The following IFT80 variants were observed in gnomAD, a reference collection of about 807,000 sequenced individuals.
The protein encoded by IFT80 is intraflagellar transport protein 80 homolog.
IFT80 carries 79 observed loss-of-function variants against 107.9 expected under a neutral mutation model. That is an observed-to-expected ratio of 0.73 (90% CI 0.61 to 0.88). The LOEUF (loss-of-function observed/expected upper bound fraction) is 0.88. Among genes scored for constraint, IFT80 ranks in the 40% least tolerant of loss-of-function variants. The pLI is 0.00. For synonymous variants in IFT80, 299 were observed against 300.9 expected (o/e 0.99, Z 0.07); for missense variants, 797 against 914.2 (o/e 0.87, Z 1.65).
chr3:160,297,220 G>A (rs1275652537), intron 12 of IFT80, among the ~76,000 whole-genome samples: 1 of 151,968 alleles, frequency 6.6e-6, no homozygotes, highest in African/African-American at 2.4e-5. Context: ...AGTGATATTG[G>A]TAGCTGCTGT....
At chr3:160,374,144 G>A (rs1235969769) in intron 5 of IFT80, among the ~76,000 whole-genome samples, 9 of 151,996 alleles carry the variant, frequency 5.9e-5, no homozygotes, top group African/African-American at 9.7e-5. Flanking sequence ...GAAGGGTCTC[G>A]GGAAAGAATT....
intron 8 of IFT80, among the ~76,000 whole-genome samples, chr3:160,329,004 G>T (rs1718893946): frequency 6.6e-6 from 1 of 151,974 alleles, no homozygotes; most frequent in African/African-American, 2.4e-5. Context: ...AGGGTGGAGG[G>T]TGGGAGGGAG....
At chr3:160,394,756 G>GA (rs377549918) in intron 1 of IFT80, among the ~76,000 whole-genome samples, 269 of 139,766 alleles carry the variant, frequency 1.9e-3, no homozygotes, top group African/African-American at 3.0e-3. Flanking sequence ...TCTCAAAAAA[G>GA]AAAAAAAAAA....
chr3:160,328,621 G>A (rs1187159960), intron 8 of IFT80, among the ~76,000 whole-genome samples: 1 of 151,962 alleles, frequency 6.6e-6, no homozygotes, highest in Non-Finnish European at 1.5e-5. Flanking sequence ...CTATCATTCG[G>A]CCCAGTGATA....
intron 18 of IFT80, among the ~76,000 whole-genome samples, chr3:160,274,034 T>A (rs556440083): frequency 6.6e-6 from 1 of 152,146 alleles, no homozygotes; most frequent in Non-Finnish European, 1.5e-5. Context: ...CAAGAGAAGG[T>A]CCCTTACTGA....
rs1051629104 is a variant in IFT80, at chr3:160,308,486, T to A, written c.958-705A>T. 2.3e-4 allele frequency among the ~76,000 whole-genome samples: 35 copies of A among 152,210 alleles called. 1 individual carries two copies. Among genetic ancestry groups the A allele is most frequent in the African/African-American group, 7.7e-4 (32 of 41,538 alleles). On this transcript the variant is annotated intron_variant, in intron 9 of 19. Transcript: ENST00000326448. ...AGTTGATGAACAAACTGCAAGAAATTAAGAAAAATGTTGAGCAAGTTAAAT... is the reference window on the plus strand; with the variant it reads ...AGTTGATGAACAAACTGCAAGAAATAAAGAAAAATGTTGAGCAAGTTAAAT...
chr3:160,393,346 A>C (rs1188662070), intron 1 of IFT80, among the ~76,000 whole-genome samples: 1 of 152,248 alleles, frequency 6.6e-6, no homozygotes, highest in African/African-American at 2.4e-5. Context: ...ATAATATGGA[A>C]GGGTTAAAAT....
chr3:160,394,421 T>C (rs1425412438), intron 1 of IFT80: 5 of 152,242 alleles, frequency 3.3e-5, no homozygotes, highest in Non-Finnish European at 4.4e-5. Flanking sequence ...CCATGGATCG[T>C]GGGTTGGACA....
chr3:160,364,138 A>T (rs1326841095), intron 6 of IFT80, among the ~76,000 whole-genome samples: 1 of 152,214 alleles, frequency 6.6e-6, no homozygotes, highest in Non-Finnish European at 1.5e-5. Context: ...AGAATCTACA[A>T]AGAACTTAAA....
intron 5 of IFT80, 117 bp downstream of exon 5, chr3:160,375,695 T>C: frequency 1.4e-6 from 1 of 708,344 alleles, no homozygotes; most frequent in South Asian, 1.7e-5. Flanking sequence ...GATTACTGTT[T>C]TGAACTCAAC....
chr3:160,330,655 A>G (rs982662880), intron 8 of IFT80, among the ~76,000 whole-genome samples: 13 of 152,054 alleles, frequency 8.5e-5, no homozygotes, highest in Non-Finnish European at 1.9e-4. Context: ...GGGTCAAAAA[A>G]TTTGCATTTC....
chr3:160,321,265 T>C (rs1459595152), intron 8 of IFT80, among the ~76,000 whole-genome samples: 1 of 152,026 alleles, frequency 6.6e-6, no homozygotes, highest in African/African-American at 2.4e-5. Context: ...ATGAAATTAA[T>C]TCATTTGTGT....
At chr3:160,352,147 C>G (rs890778563) in intron 8 of IFT80, among the ~76,000 whole-genome samples, 14 of 151,984 alleles carry the variant, frequency 9.2e-5, no homozygotes, top group African/African-American at 3.4e-4. Flanking sequence ...CCCGCCACCA[C>G]GCCCGGCTAA....
intron 9 of IFT80, among the ~76,000 whole-genome samples, chr3:160,315,940 A>G (rs1461960742): frequency 6.6e-6 from 1 of 152,170 alleles, no homozygotes; most frequent in Non-Finnish European, 1.5e-5. Flanking sequence ...ATATGTATCC[A>G]TATATATGAA....
intron 3 of IFT80, among the ~76,000 whole-genome samples, chr3:160,379,883 C>A (rs1269008875): frequency 6.6e-6 from 1 of 152,072 alleles, no homozygotes; most frequent in Admixed American, 6.5e-5. Context: ...TACCACAAGT[C>A]TCTCGGTAAA....
chr3:160,384,924 A>G (rs556937429), intron 1 of IFT80, among the ~76,000 whole-genome samples: 3 of 152,342 alleles, frequency 2.0e-5, no homozygotes, highest in South Asian at 2.1e-4. Flanking sequence ...AAGAATTTCC[A>G]TGTCCTGAGG....
intron 12 of IFT80, among the ~76,000 whole-genome samples, chr3:160,287,713 A>G (rs2108244125): frequency 6.6e-6 from 1 of 152,362 alleles, no homozygotes; most frequent in Admixed American, 6.5e-5. Flanking sequence ...AAACAGTAAG[A>G]AAAAAGAGAA....
rs574361385 is a variant in IFT80 at position 160,355,912 on chromosome 3, T to C, written c.777+101A>G. The C allele has an allele frequency of 2.1e-4, 271 of 1,290,850 alleles. 6 individuals carry two copies. The South Asian group carries it at 3.1e-3, about 15-fold the overall frequency. The allele number at this position is 1,290,850 out of a possible 1,614,324, so 80.0% of individuals were successfully genotyped here. A position where few individuals can be genotyped will look rare whatever the true frequency, so the allele number is the denominator to read the frequency against. On this transcript the variant is annotated intron_variant, in intron 8 of 19. Coordinates refer to ENST00000326448, the MANE Select transcript of IFT80 (RefSeq NM_020800.3). ...GACAAATCAGAAAGATTCAACCAGA[T>C]GCATCCATTGAAAATGTTTTTTAAA...
At chr3:160,293,704 A>G (rs926372711) in intron 12 of IFT80, among the ~76,000 whole-genome samples, 11 of 152,180 alleles carry the variant, frequency 7.2e-5, no homozygotes, top group Non-Finnish European at 1.5e-5. Context: ...GAGCCCCTAG[A>G]TAGCTTCAGG....
Sources: gnomAD v4.1 joint callset for allele counts (sites outside exome capture counted in the v4.1 genomes callset) on GRCh38, gnomAD v4.1.1 for gene constraint, MANE v1.5 for transcripts, NCBI Gene and HGNC (gene_info 2026-07-23, HGNC 2026-07-21) for gene names.